GPHN: variants seen among roughly 807,000 people sequenced by gnomAD.
GPHN encodes the protein gephyrin.
In GPHN, 17 loss-of-function variants were observed where a neutral mutation model predicts 95.5. The ratio of observed to expected loss-of-function variants is 0.18; its 90% CI spans 0.12 to 0.27. The LOEUF (loss-of-function observed/expected upper bound fraction) is 0.27, where lower values mean the gene tolerates loss of function less well. GPHN is among the 10% of genes least tolerant of loss of function. GPHN has a pLI of 1.00. For synonymous variants in GPHN, 320 were observed against 322.5 expected, an observed-to-expected ratio of 0.99 and a Z score of 0.08; for missense variants, 660 against 978.1, an observed-to-expected ratio of 0.67 and a Z score of 4.34.
chr14:67,561,785 A>T, the GPHN span, among the ~76,000 whole-genome samples: 1 of 150,560 alleles, frequency 6.6e-6, no homozygotes, highest in African/African-American at 2.4e-5. Context: ...TGGGAGGATC[A>T]GTTGGGCCTG....
chr14:67,480,845 GT>G, the GPHN span, among the ~76,000 whole-genome samples: 1 of 152,162 alleles, frequency 6.6e-6, no homozygotes, highest in Non-Finnish European at 1.5e-5. Flanking sequence ...GCCCAGACCG[GT>G]TTCCCAGCTG....
At chr14:66,800,104 C>T (rs564342577) in intron 3 of GPHN, among the ~76,000 whole-genome samples, 108 of 152,146 alleles carry the variant, frequency 7.1e-4, no homozygotes, top group Non-Finnish European at 1.3e-3. Context: ...TACACTTTAA[C>T]GTTATCCCTC....
chr14:66,534,646 A>C (rs1456788831), intron 1 of GPHN, among the ~76,000 whole-genome samples: 1 of 152,084 alleles, frequency 6.6e-6, no homozygotes. Context: ...TGGCTGTACC[A>C]TTTTACATCC....
chr14:66,878,639 A>G (rs2153532881), intron 4 of GPHN, among the ~76,000 whole-genome samples: 1 of 152,338 alleles, frequency 6.6e-6, no homozygotes, highest in African/African-American at 2.4e-5. Flanking sequence ...GTCATTAGAA[A>G]AATGCAAGTC....
chr14:67,685,008 T>C, the GPHN span: 1 of 1,602,502 alleles, frequency 6.2e-7, no homozygotes, highest in South Asian at 1.1e-5. Context: ...AGAGATAACA[T>C]TCATACCTGA....
chr14:66,811,855 C>G (rs192753666), intron 3 of GPHN, among the ~76,000 whole-genome samples: 1 of 152,296 alleles, frequency 6.6e-6, no homozygotes, highest in East Asian at 1.9e-4. Flanking sequence ...GAGCTCCTAT[C>G]TGTATCACAA....
the GPHN span, chr14:67,225,254 G>C: frequency 2.0e-6 from 3 of 1,512,072 alleles, no homozygotes; most frequent in Non-Finnish European, 1.8e-6. Flanking sequence ...AAACATGTAA[G>C]ACAAACTAAA....
At chr14:66,804,404 T>TG (rs2153478740) in intron 3 of GPHN, among the ~76,000 whole-genome samples, 1 of 152,362 alleles carries the variant, frequency 6.6e-6, no homozygotes, top group South Asian at 2.1e-4. Flanking sequence ...AAGTCTTTGT[T>TG]TTTCAATTAT....
In GPHN at chr14:67,023,658, A is replaced by G; in HGVS notation, c.989A>G (p.Glu330Gly). ...GTCCAGTCCAGGTGCAGCAGCAAGG[A>G]GAACATTCTCAGAGCCAGTAAGTAT... ...PKVQSRCSSK[E>G]NILRASHSAV... is the part of the protein sequence containing the mutation. The change falls in exon 10 of 23, where the codon GAG becomes GGG. Residue 330 changes from glutamate to glycine, a missense_variant. Glu to Gly is a moderately conservative substitution (Grantham distance 98). This residue lies in a region of GPHN where 190 missense variants were observed against 224.7 expected (regional missense o/e 0.85). Transcript: ENST00000478722. 6.2e-7 allele frequency: 1 copy of G among 1,613,514 alleles called. No homozygotes were observed. Among genetic ancestry groups the G allele is most frequent in the Non-Finnish European group, 8.5e-7 (1 of 1,179,464 alleles).
At chr14:67,014,346 A>G (rs777103398) in intron 9 of GPHN, among the ~76,000 whole-genome samples, 1 of 152,136 alleles carries the variant, frequency 6.6e-6, no homozygotes, top group Non-Finnish European at 1.5e-5. Context: ...TGACTTATAC[A>G]GTGTTATACA....
chr14:67,722,785 G>T, the GPHN span: 1 of 1,230,556 alleles, frequency 8.1e-7, no homozygotes, highest in East Asian at 2.3e-5. Context: ...GCTGCTGAAA[G>T]AAGAGAAAGG....
the GPHN span, chr14:67,582,368 C>T: frequency 3.2e-6 from 4 of 1,251,172 alleles, no homozygotes; most frequent in Middle Eastern, 2.7e-4. This position sits in a 1 kb window ranked among gnomAD's most constrained non-coding sequence, Gnocchi z 5.0. Flanking sequence ...TTCTACAGAT[C>T]AGAGCTCCTC....
At chr14:67,699,969 G>A in the GPHN span, among the ~76,000 whole-genome samples, 24 of 152,010 alleles carry the variant, frequency 1.6e-4, no homozygotes, top group African/African-American at 4.8e-4. Flanking sequence ...GTGAAACCCC[G>A]TCTCTACTAA....
intron 10 of GPHN, among the ~76,000 whole-genome samples, chr14:67,056,361 A>G (rs1217170284): frequency 6.6e-6 from 1 of 151,878 alleles, no homozygotes; most frequent in Non-Finnish European, 1.5e-5. Context: ...GCATTTACAA[A>G]CCTTGAGCAA....
the GPHN span, among the ~76,000 whole-genome samples, chr14:67,193,940 G>A: frequency 2.1e-3 from 161 of 77,974 alleles, no homozygotes; most frequent in African/African-American, 0.014. Flanking sequence ...GCAAGACCCT[G>A]TCTCAAAAAA....
At chr14:67,505,107 A>C in the GPHN span, among the ~76,000 whole-genome samples, 1 of 152,184 alleles carries the variant, frequency 6.6e-6, no homozygotes, top group Non-Finnish European at 1.5e-5. Context: ...ACCAAGATGC[A>C]ACAGGTATAA....
chr14:66,649,934 C>G (rs541579537), intron 1 of GPHN, among the ~76,000 whole-genome samples: 1 of 152,130 alleles, frequency 6.6e-6, no homozygotes, highest in Non-Finnish European at 1.5e-5. Context: ...TCATCTGCTT[C>G]TCTTTCCTGC....
the GPHN span, chr14:67,360,436 G>C: frequency 3.5e-4 from 135 of 388,730 alleles, no homozygotes; most frequent in African/African-American, 2.6e-3. Context: ...CTCCAGTGCG[G>C]GAATCACACA....
At chr14:66,898,621 TCTTTATCATTGTAGCTAAA>T (rs1175264115) in intron 5 of GPHN, among the ~76,000 whole-genome samples, 1 of 151,974 alleles carries the variant, frequency 6.6e-6, no homozygotes, top group Non-Finnish European at 1.5e-5. Flanking sequence ...TACCACATAA[TCTTTATCATTGTAGCTAAA>T]CAATAAGTCT....
Sources: allele counts gnomAD v4.1 joint callset (sites outside exome capture counted in the v4.1 genomes callset), GRCh38; gene constraint gnomAD v4.1.1; regional missense constraint gnomAD v4.1.1; non-coding constraint Gnocchi (gnomAD v3.1); transcripts MANE v1.5; gene names NCBI Gene and HGNC (gene_info 2026-07-23, HGNC 2026-07-21).